TLE4: variants seen among roughly 807,000 people sequenced by gnomAD.
TLE4 encodes TLE family member 4, transcriptional corepressor, also known as transducin-like enhancer protein 4.
A neutral mutation model predicts 92.8 loss-of-function variants in TLE4; 8 were observed. The ratio of observed to expected loss-of-function variants is 0.09; its 90% CI spans 0.05 to 0.16. TLE4 has a LOEUF of 0.16. TLE4 is among the 10% of genes least tolerant of loss of function. The pLI, the probability that TLE4 is intolerant of heterozygous loss-of-function variation, is 1.00. For synonymous variants in TLE4, 371 were observed against 374.1 expected (o/e 0.99, Z 0.10); for missense variants, 675 against 997.6 (o/e 0.68, Z 4.36).
intron 4 of TLE4, among the ~76,000 whole-genome samples, chr9:79,609,949 C>G (rs1157962011): frequency 6.6e-6 from 1 of 152,074 alleles, no homozygotes; most frequent in African/African-American, 2.4e-5. Context: ...AAGCAAGATT[C>G]ATCAGATGCA....
At chr9:79,708,054 A>G (rs766106174) in intron 11 of TLE4, 64 bp from the exon 12 acceptor site, 80 of 1,515,970 alleles carry the variant, frequency 5.3e-5, no homozygotes, top group Non-Finnish European at 6.9e-5. Context: ...TTACCTTTTT[A>G]CTGTTTAACG....
chr9:79,695,850 C>T (rs747691378), intron 8 of TLE4, among the ~76,000 whole-genome samples: 5 of 152,206 alleles, frequency 3.3e-5, no homozygotes, highest in Non-Finnish European at 7.3e-5. Context: ...GAAGTCTGCA[C>T]AGAGGCTCTG....
intron 4 of TLE4, chr9:79,580,142 C>T (rs2039220949): frequency 6.6e-6 from 1 of 152,158 alleles, no homozygotes; most frequent in African/African-American, 2.4e-5. Context: ...ACTGCCGAAG[C>T]ATGGTGGAGC....
At chr9:79,661,785 C>G (rs2060560091) in intron 8 of TLE4, among the ~76,000 whole-genome samples, 1 of 152,074 alleles carries the variant, frequency 6.6e-6, no homozygotes, top group African/African-American at 2.4e-5. Context: ...TATTTAGAAC[C>G]AATCCAATTA....
In TLE4 at chr9:79,708,174, T is replaced by C. The variant is rs751184409; in HGVS notation, c.993T>C (p.Asp331=). Residue 331 remains aspartate (D), a synonymous_variant, in exon 12 of 20, where the codon GAT becomes GAC. Coordinates refer to ENST00000376552, the MANE Select transcript of TLE4 (RefSeq NM_007005.6). ...SKSNTPTPRT[D]APTPGSNSTP... ...CCAATACCCCTACTCCACGAACTGA[T>C]GCGCCCACCCCAGGCAGTAACTCTA... 4 of 1,614,096 alleles carry C rather than the reference T, an allele frequency of 2.5e-6. No individual in the cohort carries two copies. The African/African-American group carries it at 4.0e-5, about 16-fold the overall frequency.
intron 6 of TLE4, among the ~76,000 whole-genome samples, chr9:79,635,038 T>A (rs1248976712): frequency 6.6e-6 from 1 of 152,202 alleles, no homozygotes; most frequent in Non-Finnish European, 1.5e-5. Flanking sequence ...TTCCAAGTAA[T>A]TGACATACTG....
At chr9:79,661,544 A>T (rs116523814) in intron 8 of TLE4, among the ~76,000 whole-genome samples, 1,672 of 152,316 alleles carry the variant, frequency 0.011, 36 homozygotes, top group African/African-American at 0.038. Context: ...AGAGTAATAG[A>T]AAGGAAGTTT....
At chr9:79,621,834 G>A (rs2051077893) in intron 5 of TLE4, among the ~76,000 whole-genome samples, 1 of 152,134 alleles carries the variant, frequency 6.6e-6, no homozygotes, top group Non-Finnish European at 1.5e-5. Flanking sequence ...GAATTTCTAT[G>A]AGTGGCTTCT....
At chr9:79,600,980 G>A (rs1020655778) in intron 4 of TLE4, among the ~76,000 whole-genome samples, 1 of 152,124 alleles carries the variant, frequency 6.6e-6, no homozygotes, top group African/African-American at 2.4e-5. Flanking sequence ...TCTCATGAAC[G>A]CTGTATACAA....
rs1170457713 is a variant in TLE4, at chr9:79,641,307, T to C, written c.391-11286T>C. Among the ~76,000 whole-genome samples the C allele has an allele frequency of 5.3e-5, 8 of 152,134 alleles. No homozygotes were observed. In the East Asian group the frequency reaches 1.5e-3, roughly 29 times the overall value. On this transcript the variant is annotated intron_variant, in intron 6 of 19. Transcript: ENST00000376552. ...ACAAGCCAGAAACCAGGAGAAGTTA[T>C]TTGCAACACATGTAACCAAAAAGTG...
chr9:79,615,018 G>A (rs1393006590), intron 5 of TLE4, among the ~76,000 whole-genome samples: 1 of 152,122 alleles, frequency 6.6e-6, no homozygotes, highest in Non-Finnish European at 1.5e-5. Context: ...AGTTTCCTAA[G>A]GTATGTGTGT....
intron 8 of TLE4, among the ~76,000 whole-genome samples, chr9:79,678,754 A>G (rs539440853): frequency 1.3e-5 from 2 of 151,930 alleles, no homozygotes; most frequent in Non-Finnish European, 2.9e-5. Flanking sequence ...TATATGTCCT[A>G]ATGCTATCCC....
At chr9:79,663,433 C>T (rs748125613) in intron 8 of TLE4, 11 of 152,204 alleles carry the variant, frequency 7.2e-5, no homozygotes, top group Non-Finnish European at 1.0e-4. Context: ...GCTGTAGAAA[C>T]TGCCAAAACG....
intron 14 of TLE4, among the ~76,000 whole-genome samples, chr9:79,710,862 A>G (rs2073100616): frequency 6.6e-6 from 1 of 152,210 alleles, no homozygotes; most frequent in Non-Finnish European, 1.5e-5. Flanking sequence ...ATTCAGTTAT[A>G]GAAGCAGTCT....
At chr9:79,605,708 C>T (rs183648298) in intron 4 of TLE4, among the ~76,000 whole-genome samples, 1 of 152,210 alleles carries the variant, frequency 6.6e-6, no homozygotes, top group Non-Finnish European at 1.5e-5. Flanking sequence ...TCTGCTTATT[C>T]CCACATGAGC....
intron 4 of TLE4, among the ~76,000 whole-genome samples, chr9:79,591,185 G>T (rs1032414595): frequency 1.3e-5 from 2 of 152,210 alleles, no homozygotes; most frequent in Non-Finnish European, 2.9e-5. Context: ...TGGATACACA[G>T]TTGTGACATA....
intron 4 of TLE4, among the ~76,000 whole-genome samples, chr9:79,598,342 C>T (rs536260606): frequency 2.6e-5 from 4 of 152,160 alleles, no homozygotes; most frequent in Admixed American, 2.6e-4. Context: ...TTCTGGTCCA[C>T]TAGGTTCTTT....
At position 79,637,205 on chromosome 9, in the gene TLE4, A is replaced by T. The variant is rs553506711; in HGVS notation, c.390+9757A>T. On this transcript the variant is annotated intron_variant, in intron 6 of 19. Coordinates refer to ENST00000376552, the MANE Select transcript of TLE4 (RefSeq NM_007005.6). Reference sequence around the variant, plus strand: ...CTAGGCTTGTATTCTTTTCCTGAAAAAGGTAACTAAATATAGTAGATGTTA... The same window carrying T: ...CTAGGCTTGTATTCTTTTCCTGAAATAGGTAACTAAATATAGTAGATGTTA... 2.3e-4 allele frequency among the ~76,000 whole-genome samples: 35 copies of T among 149,124 alleles called. No individual in the cohort carries two copies. The South Asian group carries it at 7.3e-3, about 31-fold the overall frequency.
chr9:79,685,317 A>T (rs1348418252), intron 8 of TLE4, among the ~76,000 whole-genome samples: 1 of 152,192 alleles, frequency 6.6e-6, no homozygotes, highest in African/African-American at 2.4e-5. Flanking sequence ...ATGCTAGATT[A>T]GAACAGATTT....
Sources: allele counts gnomAD v4.1 joint callset (sites outside exome capture counted in the v4.1 genomes callset), GRCh38; gene constraint gnomAD v4.1.1; transcripts MANE v1.5; gene names NCBI Gene and HGNC (gene_info 2026-07-23, HGNC 2026-07-21).